GXYLT2: variants seen among roughly 807,000 people sequenced by gnomAD.
GXYLT2 encodes the protein glucoside xylosyltransferase 2.
A neutral mutation model predicts 45.8 loss-of-function variants in GXYLT2; 53 were observed. The observed-to-expected ratio is 1.16, with a 90% CI of 0.93 to 1.46. The LOEUF (loss-of-function observed/expected upper bound fraction) is 1.46. Ranked by LOEUF, GXYLT2 falls within the 40% of genes most tolerant of loss-of-function variation. The pLI, the probability that GXYLT2 is intolerant of heterozygous loss-of-function variation, is 0.00. For missense variants in GXYLT2, 551 were observed against 544.4 expected (o/e 1.01, Z -0.12); for synonymous variants, 219 against 214.2 (o/e 1.02, Z -0.19).
intron 1 of GXYLT2, among the ~76,000 whole-genome samples, chr3:72,905,500 C>T (rs942455208): frequency 2.0e-5 from 3 of 152,146 alleles, no homozygotes; most frequent in African/African-American, 7.2e-5. Flanking sequence ...ACTTTAAAAA[C>T]ATAGCAAATA....
intron 1 of GXYLT2, 70 bp downstream of exon 1, chr3:72,888,578 A>C (rs1177226619): frequency 3.0e-6 from 3 of 1,011,014 alleles, no homozygotes; most frequent in Non-Finnish European, 3.6e-6. Context: ...TGCCAAGTCC[A>C]AGGGAGGCTT....
chr3:72,954,066 G>A (rs1178331946), intron 3 of GXYLT2, among the ~76,000 whole-genome samples: 2 of 152,032 alleles, frequency 1.3e-5, no homozygotes, highest in East Asian at 1.9e-4. Context: ...ACTGCAACCC[G>A]GACAACAGAG....
chr3:72,927,094 T>C (rs1421649509), intron 3 of GXYLT2: 1 of 151,690 alleles, frequency 6.6e-6, no homozygotes, highest in African/African-American at 2.4e-5. Context: ...CACACCACCA[T>C]GCCCAGCTAA....
rs749073216 is a variant in GXYLT2, at chr3:72,955,253, C to T, written c.756C>T (p.Tyr252=). The change falls in exon 4 of 7, where the codon TAC becomes TAT. Residue 252 remains tyrosine, a synonymous_variant. Coordinates refer to ENST00000389617, the MANE Select transcript of GXYLT2 (RefSeq NM_001080393.2). ...ACGAAATCCCCAAGATTGGCTGGTA[C>T]AGCCGCTTTGCTAGGCATCCTTTCT... ...PEHEIPKIGW[Y]SRFARHPFYG... 3.7e-6 allele frequency: 6 copies of T among 1,613,908 alleles called. No individual in the cohort carries two copies. The highest frequency in any genetic ancestry group is 5.1e-6 in the Non-Finnish European group (6 of 1,179,910).
Position 72,888,124 on chromosome 3 carries a change from G to T in GXYLT2, c.-110G>T. On this transcript the variant is annotated 5_prime_UTR_variant, in exon 1 of 7. Transcript: ENST00000389617. Reference sequence around the variant, plus strand: ...GGCCGCCACGACCCCAGTCCCCGGCGGGCGGGCGGAGGAGGCGACCGCCGC... The same window carrying T: ...GGCCGCCACGACCCCAGTCCCCGGCTGGCGGGCGGAGGAGGCGACCGCCGC... 1 of 712,910 alleles carries T rather than the reference G, an allele frequency of 1.4e-6. No individual in the cohort carries two copies. Among genetic ancestry groups the T allele is most frequent in the Non-Finnish European group, 1.7e-6 (1 of 582,814 alleles). 44.2% of individuals were successfully genotyped at this position (712,910 alleles called of 1,614,324 possible). A position where few individuals can be genotyped will look rare whatever the true frequency, so the allele number is the denominator to read the frequency against.
intron 3 of GXYLT2, among the ~76,000 whole-genome samples, chr3:72,946,629 G>C (rs60942950): frequency 0.02 from 3,104 of 152,168 alleles, 111 homozygotes; most frequent in African/African-American, 0.071. Flanking sequence ...AGAGCTCTCC[G>C]AGGCCTTCTT....
chr3:72,912,235 C>T (rs1172018583), intron 2 of GXYLT2, among the ~76,000 whole-genome samples: 1 of 151,908 alleles, frequency 6.6e-6, no homozygotes, highest in Non-Finnish European at 1.5e-5. Flanking sequence ...GTCTCGAACA[C>T]CTGACCTCAA....
At chr3:72,967,780 T>C in intron 6 of GXYLT2, 61 bp downstream of exon 6, 37 of 1,445,510 alleles carry the variant, frequency 2.6e-5, no homozygotes, top group Non-Finnish European at 3.5e-5. Context: ...ATATTGGCGC[T>C]TTAGTCACCT....
intron 5 of GXYLT2, among the ~76,000 whole-genome samples, chr3:72,958,493 A>G (rs34980328): frequency 0.073 from 11,093 of 152,106 alleles, 426 homozygotes; most frequent in Admixed American, 0.099. Flanking sequence ...ATAAAACTCA[A>G]TTTCATATGT....
intron 6 of GXYLT2, among the ~76,000 whole-genome samples, chr3:72,973,909 A>G (rs1016235166): frequency 2.0e-5 from 3 of 152,234 alleles, no homozygotes; most frequent in Admixed American, 1.3e-4. Flanking sequence ...CTTGCATTAC[A>G]TAATGCATAA....
intron 2 of GXYLT2, among the ~76,000 whole-genome samples, chr3:72,915,735 C>G (rs771988591): frequency 6.6e-6 from 1 of 151,842 alleles, no homozygotes; most frequent in Non-Finnish European, 1.5e-5. Flanking sequence ...ATTCAGGAGG[C>G]TGAGGCAGAA....
intron 5 of GXYLT2, among the ~76,000 whole-genome samples, chr3:72,964,567 C>T (rs999510208): frequency 6.6e-6 from 1 of 151,898 alleles, no homozygotes; most frequent in African/African-American, 2.4e-5. Context: ...GTGATCCGCC[C>T]GCCTTGGCCT....
intron 3 of GXYLT2, among the ~76,000 whole-genome samples, chr3:72,932,997 G>C (rs1477516972): frequency 1.3e-5 from 2 of 152,132 alleles, no homozygotes; most frequent in African/African-American, 4.8e-5. Flanking sequence ...TCTGTAAAAA[G>C]AGAATAATAA....
chr3:72,895,074 C>A (rs1709262422), intron 1 of GXYLT2, among the ~76,000 whole-genome samples: 1 of 152,186 alleles, frequency 6.6e-6, no homozygotes, highest in Non-Finnish European at 1.5e-5. Context: ...AAGGGAACAG[C>A]GTAAGGGCAA....
rs73838424 is a variant in GXYLT2 at position 72,936,813 on chromosome 3, T to C, written c.600+14478T>C. 7.1e-3 allele frequency among the ~76,000 whole-genome samples: 1,081 copies of C among 152,346 alleles called. 12 individuals are homozygous for C. The highest frequency in any genetic ancestry group is 0.025 in the African/African-American group (1,020 of 41,572). The stretch of plus-strand genomic sequence containing the variant: ...TGGCCATCATAATACTGTGTATTGA[T>C]CTAAATGATATTTTGATACAATTGT... On this transcript the variant is annotated intron_variant, in intron 3 of 6. Coordinates refer to ENST00000389617, the MANE Select transcript of GXYLT2 (RefSeq NM_001080393.2).
At chr3:72,965,277 G>A (rs1710843772) in intron 5 of GXYLT2, among the ~76,000 whole-genome samples, 1 of 152,150 alleles carries the variant, frequency 6.6e-6, no homozygotes, top group African/African-American at 2.4e-5. Flanking sequence ...AGATGGGATG[G>A]GTGACAATCA....
At chr3:72,917,558 C>G (rs746950250) in intron 2 of GXYLT2, among the ~76,000 whole-genome samples, 1 of 151,850 alleles carries the variant, frequency 6.6e-6, no homozygotes, top group African/African-American at 2.4e-5. Context: ...ATGTTTATAT[C>G]CCAGCCTGGG....
intron 1 of GXYLT2, among the ~76,000 whole-genome samples, chr3:72,897,860 G>C (rs1439537228): frequency 6.6e-6 from 1 of 152,122 alleles, no homozygotes; most frequent in African/African-American, 2.4e-5. Context: ...TGAACCATTT[G>C]ATAGCTTTCT....
intron 3 of GXYLT2, among the ~76,000 whole-genome samples, chr3:72,925,160 C>T (rs78755845): frequency 0.1 from 14,306 of 142,672 alleles, 2,343 homozygotes; most frequent in African/African-American, 0.34. Flanking sequence ...CTTTTTCTTT[C>T]TTTTTTTTTT....
Sources: gnomAD v4.1 joint callset for allele counts (sites outside exome capture counted in the v4.1 genomes callset) on GRCh38, gnomAD v4.1.1 for gene constraint, MANE v1.5 for transcripts, NCBI Gene and HGNC (gene_info 2026-07-23, HGNC 2026-07-21) for gene names.